IL22RA2: variants seen among roughly 807,000 people sequenced by gnomAD.
The protein encoded by IL22RA2 is interleukin-22 receptor subunit alpha-2.
IL22RA2 carries 39 observed loss-of-function variants against 30.7 expected under a neutral mutation model. The ratio of observed to expected loss-of-function variants is 1.27; its 90% CI spans 0.98 to 1.66. The LOEUF is 1.66. IL22RA2 is among the 40% of genes most tolerant of loss of function. IL22RA2 has a pLI of 0.00. For synonymous variants in IL22RA2, 103 were observed against 105.0 expected (o/e 0.98, Z 0.11); for missense variants, 315 against 312.7 (o/e 1.01, Z -0.05).
chr6:137,161,344 A>G (rs1778516530), intron 2 of IL22RA2, among the ~76,000 whole-genome samples: 2 of 152,234 alleles, frequency 1.3e-5, no homozygotes, highest in Non-Finnish European at 2.9e-5. Flanking sequence ...CTTCAAGGTA[A>G]AAGACATTCT....
At chr6:137,169,707 G>A (rs1778694206) in intron 1 of IL22RA2, among the ~76,000 whole-genome samples, 1 of 152,192 alleles carries the variant, frequency 6.6e-6, no homozygotes, top group Non-Finnish European at 1.5e-5. Context: ...AGCAGTTCTG[G>A]AAATTATAGT....
chr6:137,149,704 C>G (rs943016173), intron 5 of IL22RA2, among the ~76,000 whole-genome samples: 1 of 152,170 alleles, frequency 6.6e-6, no homozygotes, highest in Admixed American at 6.6e-5. Context: ...TCATATGGCT[C>G]CTAAATAAAA....
chr6:137,168,006 A>G (rs1778655629), intron 1 of IL22RA2, among the ~76,000 whole-genome samples: 1 of 152,254 alleles, frequency 6.6e-6, no homozygotes, highest in African/African-American at 2.4e-5. Flanking sequence ...CTGTCATGTT[A>G]TCTTTGCAAA....
intron 1 of IL22RA2, among the ~76,000 whole-genome samples, chr6:137,169,728 G>A (rs548598953): frequency 6.6e-6 from 1 of 152,316 alleles, no homozygotes; most frequent in African/African-American, 2.4e-5. Flanking sequence ...CAATGAAACA[G>A]CCTGAGCCTT....
intron 1 of IL22RA2, among the ~76,000 whole-genome samples, chr6:137,171,410 C>G (rs982405006): frequency 6.6e-6 from 1 of 152,190 alleles, no homozygotes; most frequent in African/African-American, 2.4e-5. Flanking sequence ...CCATCACAAC[C>G]ATTAACCAAG....
intron 1 of IL22RA2, among the ~76,000 whole-genome samples, chr6:137,168,630 C>T (rs1198901220): frequency 6.7e-6 from 1 of 149,068 alleles, no homozygotes; most frequent in Non-Finnish European, 1.5e-5. Flanking sequence ...TAATCAGCAC[C>T]TATACACTGG....
chr6:137,160,829 A>C (rs775100610), intron 2 of IL22RA2, among the ~76,000 whole-genome samples: 1 of 152,214 alleles, frequency 6.6e-6, no homozygotes, highest in Non-Finnish European at 1.5e-5. Context: ...GTAGCATTTG[A>C]ATTCCTGCCG....
Position 137,145,526 on chromosome 6 carries a change from A to G in IL22RA2, c.*98T>C, listed in dbSNP as rs2114341480. The G allele has an allele frequency of 1.7e-6, 2 of 1,156,610 alleles. No homozygotes were observed. Among genetic ancestry groups the G allele is most frequent in the East Asian group, 2.5e-5 (1 of 39,828 alleles). The allele number at this position is 1,156,610 out of a possible 1,614,324, so 71.6% of individuals were successfully genotyped here. ...TAACAGTGAATATTGCTTTAAGAAA[A>G]TACAAAAACAATTTTAAATAAGATC... On this transcript the variant is annotated 3_prime_UTR_variant, in exon 7 of 7. Coordinates refer to ENST00000296980, the MANE Select transcript of IL22RA2 (RefSeq NM_052962.3).
chr6:137,151,904 G>GA (rs1304273600), intron 5 of IL22RA2, among the ~76,000 whole-genome samples: 2 of 152,126 alleles, frequency 1.3e-5, no homozygotes, highest in African/African-American at 4.8e-5. Context: ...TAAAAATGTG[G>GA]AAAAATCAAA....
intron 5 of IL22RA2, among the ~76,000 whole-genome samples, chr6:137,150,515 G>T (rs2114354823): frequency 7.3e-6 from 1 of 136,596 alleles, no homozygotes; most frequent in Non-Finnish European, 1.5e-5. Flanking sequence ...TAGGGAGAAA[G>T]GTCATACAGA....
intron 6 of IL22RA2, among the ~76,000 whole-genome samples, 181 bp from the exon 7 acceptor site, chr6:137,145,954 GTGGCTGTGTAGGTGCAAC>G (rs1269269783): frequency 1.3e-5 from 2 of 152,234 alleles, no homozygotes; most frequent in Non-Finnish European, 2.9e-5. Flanking sequence ...GACAAGGCAA[GTGGCTGTGTAGGTGCAAC>G]TTGACTTCTC....
chr6:137,160,776 C>A (rs551111990), intron 2 of IL22RA2, among the ~76,000 whole-genome samples: 2 of 152,276 alleles, frequency 1.3e-5, no homozygotes, highest in South Asian at 4.1e-4. Context: ...ATCTCTTACT[C>A]GAGGTTACAG....
intron 1 of IL22RA2, among the ~76,000 whole-genome samples, chr6:137,165,018 G>A (rs1451171632): frequency 1.3e-5 from 2 of 152,128 alleles, no homozygotes; most frequent in African/African-American, 2.4e-5. Context: ...TATACAAGCT[G>A]CTCTCCAGTG....
intron 3 of IL22RA2, 25 bp from the exon 4 acceptor site, chr6:137,156,879 A>G (rs1211093732): frequency 6.3e-7 from 1 of 1,598,236 alleles, no homozygotes; most frequent in Non-Finnish European, 8.6e-7. Flanking sequence ...TGGGGAAAAC[A>G]GATCGTGTGA....
intron 2 of IL22RA2, among the ~76,000 whole-genome samples, chr6:137,158,805 T>C (rs13218770): frequency 6.6e-6 from 1 of 152,154 alleles, no homozygotes; most frequent in Non-Finnish European, 1.5e-5. Flanking sequence ...TGGAATATAA[T>C]GACTGAGATG....
In IL22RA2 at chr6:137,154,940, C is replaced by T. The variant is rs544403299; in HGVS notation, c.472+1G>A. On this transcript the variant is annotated splice_donor_variant, in intron 5 of 6. Coordinates refer to ENST00000296980, the MANE Select transcript of IL22RA2 (RefSeq NM_052962.3). LOFTEE classifies it high-confidence loss of function. ...GGGCAAAGAAACTCCATGGAACTCA[C>T]TTTCCCACCAGGGAGTGAACCGCGG... The T allele has an allele frequency of 1.2e-6, 2 of 1,613,962 alleles. No homozygotes were observed. The highest frequency in any genetic ancestry group is 1.3e-5 in the African/African-American group (1 of 75,034).
At chr6:137,154,833 A>T (rs1270419429) in intron 5 of IL22RA2, 108 bp downstream of exon 5, 1 of 839,656 alleles carries the variant, frequency 1.2e-6, no homozygotes, top group East Asian at 2.5e-5. Context: ...CAAAAGAGAT[A>T]ATGATGTAGA....
At position 137,160,070 on chromosome 6, in the gene IL22RA2, T is replaced by C. The variant is rs181893855; in HGVS notation, c.62-1588A>G. Among the ~76,000 whole-genome samples, 311 of 152,342 alleles carry C rather than the reference T, an allele frequency of 2.0e-3. 1 individual carries two copies. Among genetic ancestry groups the C allele is most frequent in the Non-Finnish European group, 2.7e-3 (183 of 68,038 alleles). On this transcript the variant is annotated intron_variant, in intron 2 of 6. Transcript: ENST00000296980. ...GGAAAGAGTCTACAGCCACAGTTGATTTTGCTCACAAAAATCACTGCCTGA... is the reference window on the plus strand; with the variant it reads ...GGAAAGAGTCTACAGCCACAGTTGACTTTGCTCACAAAAATCACTGCCTGA...
chr6:137,170,236 A>C (rs1778704424), intron 1 of IL22RA2, among the ~76,000 whole-genome samples: 1 of 152,238 alleles, frequency 6.6e-6, no homozygotes, highest in South Asian at 2.1e-4. Flanking sequence ...ATTTGTGTCG[A>C]GCACCAAAAG....
Sources: allele counts gnomAD v4.1 joint callset (sites outside exome capture counted in the v4.1 genomes callset), GRCh38; gene constraint gnomAD v4.1.1; transcripts MANE v1.5; gene names NCBI Gene and HGNC (gene_info 2026-07-23, HGNC 2026-07-21).